Variants in FTO observed in about 807,000 individuals in gnomAD.
FTO encodes the protein alpha-ketoglutarate-dependent dioxygenase FTO.
Under a neutral mutation model 63.9 loss-of-function variants are expected in FTO, and 47 were observed. The ratio of observed to expected loss-of-function variants is 0.74; its 90% CI spans 0.58 to 0.94. FTO has a LOEUF of 0.94. Ranked by LOEUF, FTO falls within the 40% of genes least tolerant of loss-of-function variation. The pLI, the probability that FTO is intolerant of heterozygous loss-of-function variation, is 0.00. For missense variants in FTO, 562 were observed against 618.1 expected (o/e 0.91, Z 0.96); for synonymous variants, 207 against 224.4 (o/e 0.92, Z 0.69).
intron 7 of FTO, among the ~76,000 whole-genome samples, chr16:53,894,087 G>A (rs1442728974): frequency 6.6e-6 from 1 of 152,152 alleles, no homozygotes; most frequent in Non-Finnish European, 1.5e-5. Flanking sequence ...AAAATGAGTA[G>A]GTGTTTTATT....
intron 1 of FTO, among the ~76,000 whole-genome samples, chr16:53,730,644 A>G (rs565820018): frequency 9.2e-5 from 14 of 152,052 alleles, no homozygotes; most frequent in Admixed American, 6.6e-4. Flanking sequence ...ACAGGTGTGC[A>G]CCACCATGCC....
intron 1 of FTO, among the ~76,000 whole-genome samples, chr16:53,773,938 G>A (rs903940898): frequency 2.6e-5 from 4 of 152,128 alleles, no homozygotes; most frequent in Non-Finnish European, 5.9e-5. Flanking sequence ...CCTGCCACAA[G>A]CACCACATTT....
chr16:53,740,664 T>C (rs1447849004), intron 1 of FTO, among the ~76,000 whole-genome samples: 2 of 152,168 alleles, frequency 1.3e-5, no homozygotes, highest in Non-Finnish European at 2.9e-5. Context: ...ACTGAAAATG[T>C]TATCTCTGGC....
intron 7 of FTO, among the ~76,000 whole-genome samples, chr16:53,910,232 GA>G (rs890643611): frequency 2.6e-5 from 4 of 152,118 alleles, no homozygotes; most frequent in African/African-American, 9.7e-5. Flanking sequence ...AGGTGGGGTA[GA>G]ACTAGAGAAC....
intron 1 of FTO, among the ~76,000 whole-genome samples, chr16:53,739,503 T>C (rs1022705920): frequency 5.3e-5 from 8 of 152,122 alleles, no homozygotes; most frequent in East Asian, 3.9e-4. Flanking sequence ...TGTGAGCCAC[T>C]GTGCCTGGCC....
At position 54,005,068 on chromosome 16, in the gene FTO, TAAAAAAAAAAA is replaced by T. The variant is rs777739385; in HGVS notation, c.1364+70970_1364+70980del. 1.6e-4 allele frequency among the ~76,000 whole-genome samples: 16 copies of T among 97,760 alleles called. 1 individual carries two copies. In the South Asian group the frequency reaches 3.5e-3, roughly 22 times the overall value. The allele number at this position is 97,760 out of a possible 152,430, so 64.1% of individuals were successfully genotyped here. ...CTGGGCCACAGAGCGAGGCTCCGTC[TAAAAAAAAAAA>T]AAAAAAAAAAGAAACAAATTCATTG... is the stretch of plus-strand genomic sequence containing the variant. On this transcript the variant is annotated intron_variant, in intron 8 of 8. Transcript: ENST00000471389.
chr16:53,919,454 C>T (rs1180791655), intron 7 of FTO, among the ~76,000 whole-genome samples: 2 of 152,112 alleles, frequency 1.3e-5, no homozygotes, highest in Non-Finnish European at 2.9e-5. Context: ...ACCATTTGAT[C>T]CAGCAGTCCC....
At chr16:53,984,946 G>A in intron 8 of FTO, 1 of 456,608 alleles carries the variant, frequency 2.2e-6, no homozygotes, top group Non-Finnish European at 4.4e-6. Flanking sequence ...AGGGCAGAGA[G>A]GAGTGTTGGT....
rs1460224085 is a variant in FTO at position 53,978,770 on chromosome 16, G to A, written c.1364+44661G>A. On this transcript the variant is annotated intron_variant, in intron 8 of 8. Coordinates refer to ENST00000471389, the MANE Select transcript of FTO (RefSeq NM_001080432.3). ...CCAGCACTTTGGGAGGCCAAGGTGG[G>A]TGGATCAGTTGAGGCCAGGAGTTTG... 2.0e-5 allele frequency among the ~76,000 whole-genome samples: 3 copies of A among 152,202 alleles called. No individual in the cohort carries two copies. In the East Asian group the frequency reaches 5.8e-4, roughly 29 times the overall value.
intron 1 of FTO, among the ~76,000 whole-genome samples, chr16:53,722,236 A>G (rs1440496930): frequency 6.6e-6 from 1 of 152,214 alleles, no homozygotes; most frequent in Admixed American, 6.5e-5. Context: ...GTTAGGTCAT[A>G]TTAAATTTTA....
chr16:53,877,301 T>C (rs1301652981), intron 5 of FTO, among the ~76,000 whole-genome samples: 1 of 152,236 alleles, frequency 6.6e-6, no homozygotes, highest in African/African-American at 2.4e-5. Context: ...CAAAGGTTCA[T>C]CACTTAATGA....
chr16:53,784,682 C>G (rs888103921), intron 1 of FTO, among the ~76,000 whole-genome samples: 14 of 152,076 alleles, frequency 9.2e-5, no homozygotes, highest in African/African-American at 3.1e-4. Flanking sequence ...TGTGACAAAT[C>G]TAACAGGTAA....
rs36010057 is a variant in FTO at position 53,883,622 on chromosome 16, C to CAAAAAAA, written c.1119+3642_1119+3648dup. Among the ~76,000 whole-genome samples the CAAAAAAA allele has an allele frequency of 5.1e-4, 30 of 59,304 alleles. 1 individual carries two copies. The highest frequency in any genetic ancestry group is 1.9e-3 in the African/African-American group (23 of 11,932). 38.9% of individuals were successfully genotyped at this position (59,304 alleles called of 152,430 possible). On this transcript the variant is annotated intron_variant, in intron 6 of 8. Coordinates refer to ENST00000471389, the MANE Select transcript of FTO (RefSeq NM_001080432.3). ...GGGCAACAAGGGCGAAACTCTATCT[C>CAAAAAAA]AAAAAAAAAAAAACAAAAAAAAAAA...
intron 8 of FTO, among the ~76,000 whole-genome samples, chr16:54,038,831 A>G (rs1253379438): frequency 1.3e-5 from 2 of 152,202 alleles, no homozygotes; most frequent in Non-Finnish European, 1.5e-5. Context: ...CCATGTTTGT[A>G]CAGCCTGTAG....
At chr16:53,924,141 A>G (rs957277598) in intron 7 of FTO, among the ~76,000 whole-genome samples, 1 of 152,180 alleles carries the variant, frequency 6.6e-6, no homozygotes, top group African/African-American at 2.4e-5. Context: ...CAATAGTCCT[A>G]ATACCAATTT....
chr16:54,063,803 A>C (rs2144403770), intron 8 of FTO: 1 of 151,386 alleles, frequency 6.6e-6, no homozygotes, highest in African/African-American at 2.4e-5. Context: ...CATGCAGCGT[A>C]GCAGGAGCTG....
At chr16:53,790,496 T>G (rs957280125) in intron 1 of FTO, among the ~76,000 whole-genome samples, 2 of 148,680 alleles carry the variant, frequency 1.3e-5, no homozygotes, top group African/African-American at 5.0e-5. Context: ...GCAGGAGGAT[T>G]GCTTGAGCCT....
At chr16:53,928,742 A>C (rs2082208395) in intron 7 of FTO, among the ~76,000 whole-genome samples, 1 of 152,202 alleles carries the variant, frequency 6.6e-6, no homozygotes, top group Non-Finnish European at 1.5e-5. Context: ...ATGTGATGCA[A>C]ATGAAGTTTT....
chr16:54,116,084 T>C lies in FTO; in HGVS notation c.*4169T>C, dbSNP rs2086972896. 6.6e-6 allele frequency: 1 copy of C among 152,172 alleles called. No homozygotes were observed. The highest frequency in any genetic ancestry group is 1.5e-5 in the Non-Finnish European group (1 of 68,052). The allele number at this position is 152,172 out of a possible 1,614,324, so 9.4% of individuals were successfully genotyped here. A position where few individuals can be genotyped will look rare whatever the true frequency, so the allele number is the denominator to read the frequency against. On this transcript the variant is annotated 3_prime_UTR_variant, in exon 9 of 9. Transcript: ENST00000471389. ...ATCATTGGTGACACAATTTTAGTAA[T>C]AAGCTTCAAAACCCATCACTCCACT...
Sources: gnomAD v4.1 joint callset for allele counts (sites outside exome capture counted in the v4.1 genomes callset) on GRCh38, gnomAD v4.1.1 for gene constraint, MANE v1.5 for transcripts, NCBI Gene and HGNC (gene_info 2026-07-23, HGNC 2026-07-21) for gene names.